Variants in ZBTB40 observed in about 807,000 individuals in gnomAD.
ZBTB40 encodes the protein zinc finger and BTB domain containing 40, also known as zinc finger and BTB domain-containing protein 40.
Under a neutral mutation model 117.5 loss-of-function variants are expected in ZBTB40, and 60 were observed. That is an observed-to-expected ratio of 0.51 (90% CI 0.41 to 0.63). The LOEUF (loss-of-function observed/expected upper bound fraction) is 0.63. ZBTB40 is among the 30% of genes least tolerant of loss of function. The pLI is 0.00. For synonymous variants in ZBTB40, 525 were observed against 577.1 expected, an observed-to-expected ratio of 0.91 and a Z score of 1.29; for missense variants, 1,287 against 1,498.5, an observed-to-expected ratio of 0.86 and a Z score of 2.33.
intron 1 of ZBTB40, among the ~76,000 whole-genome samples, chr1:22,470,099 A>C (rs1234678480): frequency 6.6e-6 from 1 of 152,182 alleles, no homozygotes; most frequent in Non-Finnish European, 1.5e-5. Flanking sequence ...CTTGGTTCAA[A>C]TACTGGCTTA....
At chr1:22,473,208 C>G (rs187794003) in intron 1 of ZBTB40, among the ~76,000 whole-genome samples, 1 of 152,196 alleles carries the variant, frequency 6.6e-6, no homozygotes, top group Non-Finnish European at 1.5e-5. Context: ...AATGAAGAGT[C>G]TGAGGCCCCA....
intron 13 of ZBTB40, among the ~76,000 whole-genome samples, chr1:22,518,448 T>C (rs1639433145): frequency 6.6e-6 from 1 of 152,196 alleles, no homozygotes; most frequent in Admixed American, 6.5e-5. Flanking sequence ...CAGATACTGT[T>C]ATTATTGGTG....
chr1:22,515,098 A>G (rs778259972), intron 12 of ZBTB40, among the ~76,000 whole-genome samples: 11 of 152,350 alleles, frequency 7.2e-5, no homozygotes, highest in Non-Finnish European at 1.2e-4. Flanking sequence ...GGCCTCTGCA[A>G]GATGGCATTT....
intron 12 of ZBTB40, among the ~76,000 whole-genome samples, chr1:22,514,138 G>T (rs1488958156): frequency 6.6e-6 from 1 of 152,200 alleles, no homozygotes. Context: ...TGGAGAAGGG[G>T]TCTCTAGTCC....
chr1:22,466,109 A>G (rs1249289177), intron 1 of ZBTB40, among the ~76,000 whole-genome samples: 1 of 152,206 alleles, frequency 6.6e-6, no homozygotes, highest in Non-Finnish European at 1.5e-5. Flanking sequence ...GACATTTCAT[A>G]TGAATGGAAT....
At position 22,519,729 on chromosome 1, in the gene ZBTB40, C is replaced by T. The variant is rs530110202; in HGVS notation, c.2834-332C>T. 6.3e-4 allele frequency: 233 copies of T among 368,014 alleles called. 1 individual carries two copies. The highest frequency in any genetic ancestry group is 4.4e-3 in the African/African-American group (212 of 47,642). 22.8% of individuals were successfully genotyped at this position (368,014 alleles called of 1,614,324 possible). A position where few individuals can be genotyped will look rare whatever the true frequency, so the allele number is the denominator to read the frequency against. On this transcript the variant is annotated intron_variant, in intron 13 of 17. Transcript: ENST00000375647. ...AAACTCCAGAATGCCCACTGCAAACCGGACGAGCCAGGGTGAAACTCCCTG... is the reference window on the plus strand; with the variant it reads ...AAACTCCAGAATGCCCACTGCAAACTGGACGAGCCAGGGTGAAACTCCCTG...
chr1:22,456,693 C>G (rs1031202465), intron 1 of ZBTB40, among the ~76,000 whole-genome samples: 3 of 152,162 alleles, frequency 2.0e-5, no homozygotes, highest in African/African-American at 7.2e-5. Context: ...TCTTTTCAGG[C>G]TTTGTTTTCT....
At chr1:22,520,417 C>T (rs1639491420) in intron 14 of ZBTB40, 142 bp downstream of exon 14, 2 of 753,054 alleles carry the variant, frequency 2.7e-6, no homozygotes, top group South Asian at 1.5e-5. Flanking sequence ...ATGAAGGATG[C>T]AGCTTGTGAT....
intron 1 of ZBTB40, among the ~76,000 whole-genome samples, chr1:22,444,176 G>T (rs1455170299): frequency 6.6e-6 from 1 of 152,172 alleles, no homozygotes; most frequent in African/African-American, 2.4e-5. Context: ...ACTTTGGGAG[G>T]CCACGGCAAG....
intron 1 of ZBTB40, among the ~76,000 whole-genome samples, chr1:22,455,499 C>T (rs752613368): frequency 6.6e-6 from 1 of 152,162 alleles, no homozygotes; most frequent in Admixed American, 6.5e-5. Context: ...ACCCTGCAAA[C>T]GGAGCAAAGA....
In ZBTB40 at chr1:22,528,655, T is replaced by C. The variant is rs1226379839; in HGVS notation, c.*2259T>C. On this transcript the variant is annotated 3_prime_UTR_variant, in exon 18 of 18. Transcript: ENST00000375647. ...AATCCTCCTGCCACAGCTTCCCAAG[T>C]AGCTGGGACCACAGGCGTGAGCCAC... is the stretch of plus-strand genomic sequence containing the variant. The C allele has an allele frequency of 6.6e-6, 1 of 151,804 alleles. No individual in the cohort carries two copies. Among genetic ancestry groups the C allele is most frequent in the Non-Finnish European group, 1.5e-5 (1 of 68,008 alleles). 9.4% of individuals were successfully genotyped at this position (151,804 alleles called of 1,614,324 possible). A position where few individuals can be genotyped will look rare whatever the true frequency, so the allele number is the denominator to read the frequency against.
chr1:22,483,906 ATTTTAAGT>A (rs1400156440), intron 1 of ZBTB40, among the ~76,000 whole-genome samples: 1 of 152,194 alleles, frequency 6.6e-6, no homozygotes, highest in Non-Finnish European at 1.5e-5. Context: ...TCTCTGATGT[ATTTTAAGT>A]TAATTTTTGT....
chr1:22,522,316 C>A, intron 15 of ZBTB40, 61 bp from the exon 16 acceptor site: 1 of 1,554,464 alleles, frequency 6.4e-7, no homozygotes, highest in Non-Finnish European at 8.9e-7. Flanking sequence ...TGTTACTCTT[C>A]AGCCTTGGAG....
chr1:22,472,164 A>T (rs1330700205), intron 1 of ZBTB40, among the ~76,000 whole-genome samples: 3 of 151,036 alleles, frequency 2.0e-5, no homozygotes, highest in Non-Finnish European at 2.9e-5. Context: ...CTAGATGTCA[A>T]GTAAGCATGT....
intron 14 of ZBTB40, among the ~76,000 whole-genome samples, chr1:22,520,629 A>T (rs1368510893): frequency 6.6e-6 from 1 of 152,170 alleles, no homozygotes; most frequent in Non-Finnish European, 1.5e-5. Context: ...GTGGAACACT[A>T]CCTGGAATTA....
rs1213744175 is a variant in ZBTB40, at chr1:22,527,531, C to T, written c.*1135C>T. 2.6e-5 allele frequency: 4 copies of T among 152,400 alleles called. No individual in the cohort carries two copies. Among genetic ancestry groups the T allele is most frequent in the Non-Finnish European group, 5.9e-5 (4 of 68,048 alleles). 9.4% of individuals were successfully genotyped at this position (152,400 alleles called of 1,614,324 possible). ...AAGTGCAATTAGATAGATGTAGGTT[C>T]CTGCCGTTTGGAGAGAATGACTAGC... On this transcript the variant is annotated 3_prime_UTR_variant, in exon 18 of 18. Coordinates refer to ENST00000375647, the MANE Select transcript of ZBTB40 (RefSeq NM_014870.4).
intron 1 of ZBTB40, among the ~76,000 whole-genome samples, chr1:22,437,642 A>G (rs996865200): frequency 6.6e-6 from 1 of 151,224 alleles, no homozygotes; most frequent in African/African-American, 2.4e-5. Flanking sequence ...CTGGTCTCGA[A>G]CTCCTGACCT....
chr1:22,443,167 G>C (rs1640752653), intron 1 of ZBTB40, among the ~76,000 whole-genome samples: 1 of 152,102 alleles, frequency 6.6e-6, no homozygotes, highest in South Asian at 2.1e-4. Flanking sequence ...AACCTGCTGG[G>C]GTTTTTTGAT....
intron 1 of ZBTB40, among the ~76,000 whole-genome samples, chr1:22,478,627 A>G (rs1641609303): frequency 6.6e-6 from 1 of 152,170 alleles, no homozygotes; most frequent in African/African-American, 2.4e-5. Context: ...AAATGAGTTA[A>G]TATACGCAAA....
Sources: gnomAD v4.1 joint callset for allele counts (sites outside exome capture counted in the v4.1 genomes callset) on GRCh38, gnomAD v4.1.1 for gene constraint, MANE v1.5 for transcripts, NCBI Gene and HGNC (gene_info 2026-07-23, HGNC 2026-07-21) for gene names.